The following UBAP2 variants were observed in gnomAD, a reference collection of about 807,000 sequenced individuals.
The protein encoded by UBAP2 is ubiquitin associated protein 2, also known as ubiquitin-associated protein 2.
A neutral mutation model predicts 139.6 loss-of-function variants in UBAP2; 75 were observed. The ratio of observed to expected loss-of-function variants is 0.54; its 90% CI spans 0.45 to 0.65. The LOEUF (loss-of-function observed/expected upper bound fraction) is 0.65. UBAP2 is among the 30% of genes least tolerant of loss of function. The probability of loss-of-function intolerance (pLI) is 0.00; values close to 1 mark genes in which losing one functional copy is unlikely to be tolerated. For missense variants in UBAP2, 1,368 were observed against 1,369.6 expected (o/e 1.00, Z 0.02); for synonymous variants, 526 against 526.2 (o/e 1.00, Z 0.01).
chr9:33,953,543 C>T (rs2130976039), intron 11 of UBAP2, 69 bp from the exon 12 acceptor site: 1 of 1,456,810 alleles, frequency 6.9e-7, no homozygotes, highest in Middle Eastern at 2.1e-4. Context: ...TGTGAGAAGT[C>T]AATCAATATA....
rs965938582 is a variant in UBAP2 at position 34,029,505 on chromosome 9, G to A, written c.-41-12316C>T. ...GATTATGCCACGGCACTCCAGCCTG[G>A]ACAACAAGAGCAAAACTTCTCAAAA... On this transcript the variant is annotated intron_variant, in intron 1 of 28. Coordinates refer to ENST00000379238, the MANE Select transcript of UBAP2 (RefSeq NM_001370062.2). Among the ~76,000 whole-genome samples, 8 of 150,636 alleles carry A rather than the reference G, an allele frequency of 5.3e-5. No homozygotes were observed. The South Asian group carries it at 1.0e-3, about 20-fold the overall frequency.
intron 1 of UBAP2, among the ~76,000 whole-genome samples, chr9:34,040,289 A>T (rs1359737401): frequency 7.2e-6 from 1 of 138,538 alleles, no homozygotes; most frequent in Non-Finnish European, 1.5e-5. Flanking sequence ...ACGCCATTGC[A>T]CTCCAGCCTG....
At chr9:33,954,252 A>G (rs1429951322) in intron 11 of UBAP2, among the ~76,000 whole-genome samples, 1 of 130,094 alleles carries the variant, frequency 7.7e-6, no homozygotes, top group African/African-American at 2.8e-5. Context: ...CCCATAATAC[A>G]TTTAAGTGTG....
At chr9:33,965,018 C>A (rs1187545794) in intron 8 of UBAP2, among the ~76,000 whole-genome samples, 1 of 152,162 alleles carries the variant, frequency 6.6e-6, no homozygotes, top group Non-Finnish European at 1.5e-5. Flanking sequence ...ATGATGAGCA[C>A]ACTCACGGAT....
At chr9:34,027,412 T>C (rs1825494710) in intron 1 of UBAP2, among the ~76,000 whole-genome samples, 1 of 151,218 alleles carries the variant, frequency 6.6e-6, no homozygotes, top group South Asian at 2.1e-4. Context: ...AATTTATTTA[T>C]TAAAAAATAA....
chr9:34,003,090 T>G (rs1198997819), intron 2 of UBAP2, among the ~76,000 whole-genome samples: 1 of 151,990 alleles, frequency 6.6e-6, no homozygotes, highest in East Asian at 1.9e-4. Flanking sequence ...AGACGAAGTC[T>G]CCCTCTGTTG....
intron 1 of UBAP2, among the ~76,000 whole-genome samples, chr9:34,037,280 G>A (rs374842162): frequency 1.1e-4 from 17 of 152,084 alleles, no homozygotes; most frequent in African/African-American, 4.1e-4. Flanking sequence ...GAGCCACCGC[G>A]CCCAGCCCAC....
At position 33,924,221 on chromosome 9, in the gene UBAP2, T is replaced by TA. The variant is rs1209126775; in HGVS notation, c.2574dup (p.Asn859Ter). ...GCAAACTCACCTGGATATGGATTAT[T>TA]AGCTAGGCTCCCATCTCGGCTGGCA... On this transcript the variant is annotated frameshift_variant, in exon 23 of 29. Transcript: ENST00000379238. LOFTEE classifies it high-confidence loss of function. 1.2e-6 allele frequency: 2 copies of TA among 1,614,072 alleles called. No individual in the cohort carries two copies. Among genetic ancestry groups the TA allele is most frequent in the African/African-American group, 1.3e-5 (1 of 74,926 alleles).
chr9:34,030,597 A>G (rs2131328683), intron 1 of UBAP2, among the ~76,000 whole-genome samples: 1 of 151,868 alleles, frequency 6.6e-6, no homozygotes. Flanking sequence ...CACTCCTAGT[A>G]CAGTGCCCAA....
chr9:33,939,206 T>TTTTTTTTC (rs575154458), intron 16 of UBAP2, among the ~76,000 whole-genome samples: 1 of 138,316 alleles, frequency 7.2e-6, no homozygotes, highest in Non-Finnish European at 1.6e-5. Context: ...TTTTTTTTTT[T>TTTTTTTTC]TTTTTGAGAT....
intron 2 of UBAP2, among the ~76,000 whole-genome samples, chr9:34,007,642 A>ATTT (rs1554689984): frequency 2.5e-5 from 3 of 120,226 alleles, no homozygotes; most frequent in South Asian, 2.4e-4. Context: ...TGTATGTTTT[A>ATTT]TTTTTATTTT....
At chr9:33,967,865 G>T (rs991941724) in intron 8 of UBAP2, among the ~76,000 whole-genome samples, 17 of 152,174 alleles carry the variant, frequency 1.1e-4, no homozygotes, top group African/African-American at 3.9e-4. Flanking sequence ...TAGGTCAGCA[G>T]GAGAAAAAAT....
At chr9:33,931,408 GTTTT>G (rs553103640) in intron 19 of UBAP2, among the ~76,000 whole-genome samples, 7 of 151,648 alleles carry the variant, frequency 4.6e-5, no homozygotes, top group African/African-American at 1.2e-4. Flanking sequence ...TGGTCTGGAG[GTTTT>G]TTTTTGAGGA....
chr9:33,940,433 C>CTATCATGT (rs1825105713), intron 16 of UBAP2, among the ~76,000 whole-genome samples: 12 of 152,254 alleles, frequency 7.9e-5, no homozygotes, highest in Admixed American at 4.6e-4. Context: ...AGTTGTTGAG[C>CTATCATGT]TGAAATCCTA....
chr9:34,020,132 AGAGG>A (rs1287211082), intron 1 of UBAP2, among the ~76,000 whole-genome samples: 1 of 149,354 alleles, frequency 6.7e-6, no homozygotes, highest in Non-Finnish European at 1.5e-5. Context: ...CTTGGGTGAC[AGAGG>A]GAGACTCCAT....
chr9:34,024,680 T>G (rs1372690901), intron 1 of UBAP2, among the ~76,000 whole-genome samples: 1 of 152,020 alleles, frequency 6.6e-6, no homozygotes, highest in Non-Finnish European at 1.5e-5. Flanking sequence ...CCCGTATTAA[T>G]TTTACATAAA....
intron 2 of UBAP2, among the ~76,000 whole-genome samples, chr9:34,016,315 GAGA>G (rs1460302900): frequency 7.8e-6 from 1 of 127,568 alleles, no homozygotes; most frequent in Non-Finnish European, 1.7e-5. Context: ...AGAGGAGGAA[GAGA>G]AGGAGGAAGA....
intron 1 of UBAP2, among the ~76,000 whole-genome samples, chr9:34,018,633 G>A (rs1824612235): frequency 2.0e-5 from 3 of 152,198 alleles, no homozygotes; most frequent in African/African-American, 7.2e-5. Flanking sequence ...GGAGGCCAAG[G>A]CGGGAGGACC....
chr9:34,031,394 T>C (rs551273408), intron 1 of UBAP2, among the ~76,000 whole-genome samples: 72 of 152,052 alleles, frequency 4.7e-4, no homozygotes, highest in Middle Eastern at 3.4e-3. Flanking sequence ...CTGCAACCTC[T>C]ACTCCCAGGT....
Sources: gnomAD v4.1 joint callset for allele counts (sites outside exome capture counted in the v4.1 genomes callset) on GRCh38, gnomAD v4.1.1 for gene constraint, MANE v1.5 for transcripts, NCBI Gene and HGNC (gene_info 2026-07-23, HGNC 2026-07-21) for gene names.